Variants in TRIM24 observed in about 807,000 individuals in gnomAD.
TRIM24 encodes the protein transcription intermediary factor 1-alpha.
In TRIM24, 29 loss-of-function variants were observed where a neutral mutation model predicts 123.9. The observed-to-expected ratio is 0.23, with a 90% CI of 0.17 to 0.32. The LOEUF is 0.32. Ranked by LOEUF, TRIM24 falls within the 10% of genes least tolerant of loss-of-function variation. The pLI, the probability that TRIM24 is intolerant of heterozygous loss-of-function variation, is 1.00. For missense variants in TRIM24, 932 were observed against 1,295.3 expected, an observed-to-expected ratio of 0.72 and a Z score of 4.31; for synonymous variants, 456 against 461.1, an observed-to-expected ratio of 0.99 and a Z score of 0.14.
rs1284912263 is a variant in TRIM24, at chr7:138,589,870, A to G, written c.*4919A>G. The stretch of plus-strand genomic sequence containing the variant: ...AAATTTACTATTGGATATTTAACAG[A>G]TCTTTCATGGGGCCAACCTATTTGC... On this transcript the variant is annotated 3_prime_UTR_variant, in exon 19 of 19. Transcript: ENST00000343526. 6.6e-6 allele frequency: 1 copy of G among 152,242 alleles called. No homozygotes were observed. The highest frequency in any genetic ancestry group is 1.5e-5 in the Non-Finnish European group (1 of 68,042). 9.4% of individuals were successfully genotyped at this position (152,242 alleles called of 1,614,324 possible).
At chr7:138,534,237 A>T (rs1796815293) in intron 6 of TRIM24, among the ~76,000 whole-genome samples, 1 of 151,748 alleles carries the variant, frequency 6.6e-6, no homozygotes, top group Admixed American at 6.6e-5. Context: ...GATCTTAGTT[A>T]TTTCTTGCCT....
intron 2 of TRIM24, among the ~76,000 whole-genome samples, chr7:138,511,042 A>AT (rs1796274026): frequency 6.6e-6 from 1 of 152,094 alleles, no homozygotes; most frequent in East Asian, 1.9e-4. Context: ...ATCCCACTCC[A>AT]TCCCATCTGT....
At position 138,525,332 on chromosome 7, in the gene TRIM24, T is replaced by G; in HGVS notation, c.856T>G (p.Phe286Val). ...KLMEKTKYIK[F>V]TGNQIQNRII... ...GATGGAAAAAACAAAATACATAAAA[T>G]TCACAGGAAATCAGATCCAAAACAG... The change falls in exon 5 of 19, where the codon TTC becomes GTC. Residue 286 changes from phenylalanine to valine, a missense_variant. Around this residue, in one of 7 missense-constraint regions of TRIM24, gnomAD observed 527 missense variants for 691.3 expected, o/e 0.76. Coordinates refer to ENST00000343526, the MANE Select transcript of TRIM24 (RefSeq NM_015905.3). 6.5e-7 allele frequency: 1 copy of G among 1,527,448 alleles called. No individual in the cohort carries two copies. Among genetic ancestry groups the G allele is most frequent in the Non-Finnish European group, 8.8e-7 (1 of 1,140,486 alleles). The allele number at this position is 1,527,448 out of a possible 1,614,324, so 94.6% of individuals were successfully genotyped here.
At chr7:138,551,848 C>T (rs1391373829) in intron 8 of TRIM24, among the ~76,000 whole-genome samples, 2 of 152,114 alleles carry the variant, frequency 1.3e-5, no homozygotes, top group Non-Finnish European at 2.9e-5. Context: ...ATGGTTCAAT[C>T]CTTTATCTTG....
chr7:138,566,291 T>C (rs1412947972), intron 9 of TRIM24, among the ~76,000 whole-genome samples: 2 of 152,008 alleles, frequency 1.3e-5, no homozygotes, highest in East Asian at 1.9e-4. Context: ...TGAGGTGGGC[T>C]GATCACTTGA....
intron 15 of TRIM24, among the ~76,000 whole-genome samples, chr7:138,579,872 G>A (rs1373879325): frequency 1.3e-5 from 2 of 152,110 alleles, no homozygotes; most frequent in African/African-American, 4.8e-5. Flanking sequence ...GCAGTAAGCT[G>A]TGCTTGCACC....
chr7:138,484,222 G>T (rs952895881), intron 1 of TRIM24, among the ~76,000 whole-genome samples: 1 of 151,276 alleles, frequency 6.6e-6, no homozygotes, highest in Non-Finnish European at 1.5e-5. Flanking sequence ...TTATTCTCCT[G>T]CCTCAACCTC....
chr7:138,463,989 C>CTTTTTTTTTGTT (rs1795072955), intron 1 of TRIM24, among the ~76,000 whole-genome samples: 1 of 50,766 alleles, frequency 2.0e-5, no homozygotes, highest in Non-Finnish European at 3.6e-5. Context: ...AAAATTTAGA[C>CTTTTTTTTTGTT]TTTTTTTTTT....
chr7:138,579,578 G>T, intron 15 of TRIM24, 46 bp downstream of exon 15: 3 of 1,476,274 alleles, frequency 2.0e-6, no homozygotes, highest in Non-Finnish European at 2.7e-6. Flanking sequence ...GTAAACTTTT[G>T]AAGATTATTT....
intron 2 of TRIM24, chr7:138,514,858 C>T (rs1796363483): frequency 5.9e-6 from 1 of 170,044 alleles, no homozygotes. Context: ...AGTGAGGGAA[C>T]TGGGATTTTA....
At chr7:138,565,680 C>T (rs142802392) in intron 9 of TRIM24, among the ~76,000 whole-genome samples, 13 of 152,306 alleles carry the variant, frequency 8.5e-5, no homozygotes, top group African/African-American at 1.9e-4. Context: ...ACTGGCCCAA[C>T]GGATTCACAT....
rs181990788 is a variant in TRIM24, at chr7:138,531,993, T to C, written c.996+2763T>C. Among the ~76,000 whole-genome samples, 442 of 152,358 alleles carry C rather than the reference T, an allele frequency of 2.9e-3. 5 individuals carry two copies. The highest frequency in any genetic ancestry group is 0.02 in the Admixed American group (312 of 15,310). On this transcript the variant is annotated intron_variant, in intron 6 of 18. Coordinates refer to ENST00000343526, the MANE Select transcript of TRIM24 (RefSeq NM_015905.3). Reference sequence around the variant, plus strand: ...GTGATGATGAGCAATTTTTCATGTGTCTGTTGGCTGCATAAATGTCTTTAG... The same window carrying C: ...GTGATGATGAGCAATTTTTCATGTGCCTGTTGGCTGCATAAATGTCTTTAG...
chr7:138,461,021 G>A (rs1028781172), intron 1 of TRIM24, 109 bp downstream of exon 1: 39 of 1,058,742 alleles, frequency 3.7e-5, no homozygotes, highest in Non-Finnish European at 4.8e-5. Flanking sequence ...GGGGTGCGCG[G>A]CGGGGGAGGG....
chr7:138,561,802 ATC>A (rs994389072), intron 9 of TRIM24, among the ~76,000 whole-genome samples: 8 of 152,090 alleles, frequency 5.3e-5, no homozygotes, highest in African/African-American at 1.9e-4. Context: ...GGCTTCTTTG[ATC>A]TGCTTAAATG....
chr7:138,466,605 C>T (rs112663678), intron 1 of TRIM24, among the ~76,000 whole-genome samples: 1 of 150,104 alleles, frequency 6.7e-6, no homozygotes, highest in Non-Finnish European at 1.5e-5. Flanking sequence ...TCACCCATCT[C>T]GTCTCCCAAA....
In TRIM24 at chr7:138,504,366, C is replaced by T. The variant is rs1330759201; in HGVS notation, c.441C>T (p.Asp147=). 1.2e-6 allele frequency: 2 copies of T among 1,600,446 alleles called. No individual in the cohort carries two copies. The highest frequency in any genetic ancestry group is 1.7e-6 in the Non-Finnish European group (2 of 1,173,894). ...TCATAGATAACTTTTTTGTGAAGGACACTACTGAGGTTCCCAGCAGTACAG... is the reference window on the plus strand; with the variant it reads ...TCATAGATAACTTTTTTGTGAAGGATACTACTGAGGTTCCCAGCAGTACAG... ...RHIIDNFFVK[D]TTEVPSSTVE... The change falls in exon 2 of 19, where the codon GAC becomes GAT. Residue 147 remains aspartate (D), a synonymous_variant. Transcript: ENST00000343526.
intron 9 of TRIM24, among the ~76,000 whole-genome samples, chr7:138,562,056 T>C (rs1273609099): frequency 2.0e-5 from 3 of 152,192 alleles, no homozygotes; most frequent in African/African-American, 4.8e-5. Flanking sequence ...TATTGGACTC[T>C]CCTGGAGCAG....
At chr7:138,551,210 A>G in intron 8 of TRIM24, 30 bp downstream of exon 8, 1 of 1,542,762 alleles carries the variant, frequency 6.5e-7, no homozygotes, top group Non-Finnish European at 9.0e-7. Context: ...TACATTTCTC[A>G]GTGGCATTTG....
intron 1 of TRIM24, among the ~76,000 whole-genome samples, chr7:138,503,606 G>A (rs1796088510): frequency 6.7e-6 from 1 of 150,274 alleles, no homozygotes; most frequent in South Asian, 2.1e-4. Flanking sequence ...AAATTATATG[G>A]CATCAAGTTT....
Sources: gnomAD v4.1 joint callset for allele counts (sites outside exome capture counted in the v4.1 genomes callset) on GRCh38, gnomAD v4.1.1 for gene constraint, gnomAD v4.1.1 regional missense constraint, MANE v1.5 for transcripts, NCBI Gene and HGNC (gene_info 2026-07-23, HGNC 2026-07-21) for gene names.